Variants in RSPH14 observed in about 807,000 individuals in gnomAD.
RSPH14 encodes rhabdoid tumor deletion region gene 1.
In RSPH14, 20 loss-of-function variants were observed where a neutral mutation model predicts 26.7. The observed-to-expected ratio is 0.75, with a 90% CI of 0.53 to 1.09. The LOEUF (loss-of-function observed/expected upper bound fraction) is 1.09. RSPH14 is among the 50% of genes least tolerant of loss of function. The pLI is 0.00. For synonymous variants in RSPH14, 177 were observed against 189.3 expected (o/e 0.93, Z 0.53); for missense variants, 449 against 457.2 (o/e 0.98, Z 0.16).
chr22:23,124,010 A>C (rs2070105038), intron 4 of RSPH14: 1 of 231,328 alleles, frequency 4.3e-6, no homozygotes, highest in African/African-American at 2.4e-5. Flanking sequence ...GGGTGACAGC[A>C]CTAACCAGAC....
chr22:23,104,285 G>A (rs2069394654), intron 4 of RSPH14, among the ~76,000 whole-genome samples: 1 of 152,196 alleles, frequency 6.6e-6, no homozygotes, highest in South Asian at 2.1e-4. Context: ...GTGGCCCAGG[G>A]TGGGTGTCGC....
At chr22:23,070,247 G>C (rs1207757363) in intron 4 of RSPH14, 1 of 149,272 alleles carries the variant, frequency 6.7e-6, no homozygotes, top group Non-Finnish European at 1.5e-5. Flanking sequence ...GGTGCCCGGC[G>C]GGCGCGCGGC....
intron 4 of RSPH14, among the ~76,000 whole-genome samples, chr22:23,097,887 G>A (rs555616972): frequency 6.6e-6 from 1 of 152,378 alleles, no homozygotes; most frequent in Admixed American, 6.5e-5. Context: ...TCACCACAGT[G>A]GCAGGCGTGG....
intron 3 of RSPH14, among the ~76,000 whole-genome samples, chr22:23,135,199 C>A (rs1490496514): frequency 6.6e-6 from 1 of 151,580 alleles, no homozygotes; most frequent in African/African-American, 2.4e-5. Flanking sequence ...CTAGGCCAGG[C>A]GCGGTGGCTC....
chr22:23,133,980 GACA>G, intron 4 of RSPH14, 43 bp downstream of exon 4: 1 of 1,426,510 alleles, frequency 7.0e-7, no homozygotes, highest in Non-Finnish European at 9.9e-7. Context: ...GAGACCGACG[GACA>G]ACTTGAGTGC....
chr22:23,130,091 GA>G (rs763876311), intron 4 of RSPH14, among the ~76,000 whole-genome samples: 20 of 28,086 alleles, frequency 7.1e-4, no homozygotes, highest in East Asian at 1.2e-3. Flanking sequence ...AAGGAAGAAA[GA>G]AAGAAAGAAA....
upstream of RSPH14, chr22:23,150,006 C>T (rs376835222): frequency 5.6e-5 from 78 of 1,383,706 alleles, 1 homozygote; most frequent in South Asian, 5.9e-4. Flanking sequence ...TGCTTGGCTA[C>T]GAGGGCGGAG....
At chr22:23,104,955 C>T (rs991880562) in intron 4 of RSPH14, among the ~76,000 whole-genome samples, 1 of 152,230 alleles carries the variant, frequency 6.6e-6, no homozygotes, top group African/African-American at 2.4e-5. Context: ...TTTCTTCTCT[C>T]TGCATGTGGC....
At chr22:23,154,568 C>T in the RSPH14 span, among the ~76,000 whole-genome samples, 4 of 152,150 alleles carry the variant, frequency 2.6e-5, no homozygotes, top group African/African-American at 9.7e-5. Context: ...GAGGTGGAGC[C>T]GGGAAAGACT....
upstream of RSPH14, among the ~76,000 whole-genome samples, chr22:23,149,298 G>A (rs538066246): frequency 6.6e-6 from 1 of 152,284 alleles, no homozygotes; most frequent in South Asian, 2.1e-4. Flanking sequence ...TATTTAGCCT[G>A]GGCCAATCCA....
In RSPH14 at chr22:23,095,267, T is replaced by C. The variant is rs146934131; in HGVS notation, c.422-31134A>G. 1.5e-3 allele frequency: 284 copies of C among 193,456 alleles called. 2 individuals are homozygous for C. The highest frequency in any genetic ancestry group is 6.2e-3 in the African/African-American group (263 of 42,398). 12.0% of individuals were successfully genotyped at this position (193,456 alleles called of 1,614,324 possible). On this transcript the variant is annotated intron_variant, in intron 4 of 6. Coordinates refer to ENST00000216036, the MANE Select transcript of RSPH14 (RefSeq NM_014433.3). ...GGCAGGTGAAGGGCTGGATGCACAG[T>C]GGGAGCCGGAGGCGGGGGGCTGCAG...
At chr22:23,150,007 G>T, upstream of RSPH14, 1 of 1,399,970 alleles carries the variant, frequency 7.1e-7, no homozygotes, top group South Asian at 1.2e-5. Flanking sequence ...GCTTGGCTAC[G>T]AGGGCGGAGC....
chr22:23,064,031 A>G lies in RSPH14; in HGVS notation c.524T>C (p.Leu175Pro), dbSNP rs2068148681. ...EEFQEFILDT[L>P]VLCLQEDATE... is the part of the protein sequence containing the mutation. ...GGCATCCTCCTGCAGGCAGAGGACC[A>G]GTGTGTCCAGGATGAACTCCTGGAA... Residue 175 changes from leucine to proline, a missense_variant, in exon 5 of 7, where the codon CTG becomes CCG. Leu to Pro is a moderately conservative substitution (Grantham distance 98). Transcript: ENST00000216036. 6.2e-7 allele frequency: 1 copy of G among 1,614,032 alleles called. No homozygotes were observed. Among genetic ancestry groups the G allele is most frequent in the African/African-American group, 1.3e-5 (1 of 74,922 alleles).
At chr22:23,072,088 A>C (rs1442281713) in intron 4 of RSPH14, among the ~76,000 whole-genome samples, 1 of 151,954 alleles carries the variant, frequency 6.6e-6, no homozygotes, top group Non-Finnish European at 1.5e-5. Context: ...AGCTTTAAAG[A>C]CTGGGGAAGG....
intron 4 of RSPH14, among the ~76,000 whole-genome samples, chr22:23,130,084 G>GA (rs2070291467): frequency 3.3e-4 from 17 of 51,830 alleles, no homozygotes; most frequent in African/African-American, 1.2e-3. Context: ...AGAAAGAAAG[G>GA]AAGAAAGAAA....
chr22:23,113,164 C>A (rs1006324606), intron 4 of RSPH14, among the ~76,000 whole-genome samples: 3 of 152,202 alleles, frequency 2.0e-5, no homozygotes, highest in African/African-American at 7.2e-5. Context: ...GGCTGCAACT[C>A]CCCTGGGAAG....
At chr22:23,097,069 A>T (rs967258048) in intron 4 of RSPH14, among the ~76,000 whole-genome samples, 1 of 152,180 alleles carries the variant, frequency 6.6e-6, no homozygotes, top group Non-Finnish European at 1.5e-5. Flanking sequence ...CAGGAGTGGC[A>T]GCGGTGGAGG....
chr22:23,078,107 G>T (rs552492509), intron 4 of RSPH14, among the ~76,000 whole-genome samples: 20 of 152,310 alleles, frequency 1.3e-4, no homozygotes, highest in African/African-American at 4.3e-4. Flanking sequence ...TGGTGAGGGC[G>T]GGTGCGGGTG....
the RSPH14 span, among the ~76,000 whole-genome samples, chr22:23,169,452 G>A: frequency 6.6e-6 from 1 of 152,248 alleles, no homozygotes; most frequent in Admixed American, 6.5e-5. Flanking sequence ...CGGAAAAGGA[G>A]CAAGAAAGAA....
Sources: allele counts gnomAD v4.1 joint callset (sites outside exome capture counted in the v4.1 genomes callset), GRCh38; gene constraint gnomAD v4.1.1; transcripts MANE v1.5; gene names NCBI Gene and HGNC (gene_info 2026-07-23, HGNC 2026-07-21).